The following AGBL4 variants were observed in gnomAD, a reference collection of about 807,000 sequenced individuals.
The protein encoded by AGBL4 is cytosolic carboxypeptidase 6.
In AGBL4, 58 loss-of-function variants were observed where a neutral mutation model predicts 66.4. That is an observed-to-expected ratio of 0.87 (90% CI 0.71 to 1.09). The LOEUF (loss-of-function observed/expected upper bound fraction) is 1.09, where lower values mean the gene tolerates loss of function less well. Ranked by LOEUF, AGBL4 falls within the 50% of genes least tolerant of loss-of-function variation. The pLI is 0.00. For synonymous variants in AGBL4, 234 were observed against 222.9 expected (o/e 1.05, Z -0.44); for missense variants, 579 against 631.0 (o/e 0.92, Z 0.88).
At chr1:49,266,638 TAG>T (rs1215647666) in intron 3 of AGBL4, among the ~76,000 whole-genome samples, 1 of 143,202 alleles carries the variant, frequency 7.0e-6, no homozygotes. Context: ...CACGCGAAGG[TAG>T]AGTCTGTAGC....
intron 4 of AGBL4, among the ~76,000 whole-genome samples, chr1:49,117,434 A>G (rs558640910): frequency 1.6e-3 from 242 of 152,336 alleles, no homozygotes; most frequent in African/African-American, 5.4e-3. Flanking sequence ...AGCTTTCTAC[A>G]TATGGCTAGC....
chr1:48,762,984 C>T (rs373738088), intron 6 of AGBL4, among the ~76,000 whole-genome samples: 4 of 151,966 alleles, frequency 2.6e-5, no homozygotes, highest in South Asian at 2.1e-4. Flanking sequence ...CGCAACCCAC[C>T]GAACAGTGCC....
intron 5 of AGBL4, among the ~76,000 whole-genome samples, chr1:48,915,531 C>T (rs1653513082): frequency 6.6e-6 from 1 of 152,276 alleles, no homozygotes. Context: ...TGTGATATCA[C>T]CAATATGTGG....
intron 6 of AGBL4, among the ~76,000 whole-genome samples, chr1:48,679,516 C>T (rs993375900): frequency 1.2e-4 from 18 of 151,316 alleles, no homozygotes; most frequent in Admixed American, 7.9e-4. Context: ...TCCTCTCCAC[C>T]TCTCCCTCCC....
chr1:49,197,832 CCA>C (rs1325682316), intron 4 of AGBL4, among the ~76,000 whole-genome samples: 1 of 152,154 alleles, frequency 6.6e-6, no homozygotes, highest in Non-Finnish European at 1.5e-5. Context: ...TGGCTAGAGT[CCA>C]CACTATATTC....
chr1:48,702,416 C>A (rs1483620820), intron 6 of AGBL4, among the ~76,000 whole-genome samples: 6 of 152,102 alleles, frequency 3.9e-5, no homozygotes, highest in Non-Finnish European at 7.4e-5. Context: ...CTCAGCCTCC[C>A]AAGTAGCTGG....
chr1:49,564,792 G>T (rs1644149787), intron 3 of AGBL4, among the ~76,000 whole-genome samples: 4 of 152,280 alleles, frequency 2.6e-5, no homozygotes, highest in South Asian at 2.1e-4. Flanking sequence ...TGTTGATTTG[G>T]GGTGGAGAGT....
intron 6 of AGBL4, among the ~76,000 whole-genome samples, chr1:48,669,922 G>A (rs454938): frequency 5.3e-5 from 8 of 151,978 alleles, no homozygotes; most frequent in East Asian, 3.9e-4. Context: ...ATTCCCTCCC[G>A]TAGGCTCAGA....
chr1:49,680,836 A>G (rs1646678687), intron 3 of AGBL4, among the ~76,000 whole-genome samples: 1 of 151,522 alleles, frequency 6.6e-6, no homozygotes. Context: ...TGGAACTTCA[A>G]TAACATGAAT....
At chr1:48,748,638 G>T (rs1172225152) in intron 6 of AGBL4, among the ~76,000 whole-genome samples, 2 of 152,172 alleles carry the variant, frequency 1.3e-5, no homozygotes, top group Non-Finnish European at 2.9e-5. Context: ...TTCTCATAAG[G>T]TGAAGGCAAG....
intron 4 of AGBL4, among the ~76,000 whole-genome samples, chr1:49,225,039 C>G (rs193222284): frequency 6.6e-6 from 1 of 152,234 alleles, no homozygotes; most frequent in East Asian, 1.9e-4. Context: ...GAAAGCAAAG[C>G]AGTCAGATGA....
chr1:48,597,709 A>T (rs1645014876), intron 9 of AGBL4, among the ~76,000 whole-genome samples: 1 of 105,810 alleles, frequency 9.5e-6, no homozygotes, highest in Non-Finnish European at 1.8e-5. Context: ...AGGGGAGGGG[A>T]GGAGAGAGGA....
chr1:49,869,777 C>T (rs908509490), intron 1 of AGBL4, among the ~76,000 whole-genome samples: 1 of 151,786 alleles, frequency 6.6e-6, no homozygotes, highest in Non-Finnish European at 1.5e-5. Flanking sequence ...GTGGATCTTA[C>T]GAAGATAAAG....
chr1:49,866,273 TC>T (rs1185489096), intron 1 of AGBL4, among the ~76,000 whole-genome samples: 1 of 151,926 alleles, frequency 6.6e-6, no homozygotes, highest in Non-Finnish European at 1.5e-5. Flanking sequence ...AGTAAGATAT[TC>T]CATGAGAAGA....
intron 6 of AGBL4, among the ~76,000 whole-genome samples, chr1:48,758,546 ACTTCTTT>A (rs1309235854): frequency 1.3e-5 from 2 of 152,218 alleles, no homozygotes; most frequent in Non-Finnish European, 2.9e-5. Flanking sequence ...GATCATGTCT[ACTTCTTT>A]TTACTATCCT....
intron 4 of AGBL4, among the ~76,000 whole-genome samples, chr1:49,052,222 T>C (rs1337530653): frequency 1.3e-5 from 2 of 152,130 alleles, no homozygotes; most frequent in African/African-American, 4.8e-5. Flanking sequence ...GAGGAATAGC[T>C]GAGACTGATT....
chr1:48,528,344 A>G (rs1418949417), downstream of AGBL4, among the ~76,000 whole-genome samples: 1 of 152,140 alleles, frequency 6.6e-6, no homozygotes, highest in African/African-American at 2.4e-5. Context: ...GAAAAAGAGA[A>G]TATTAACCAA....
intron 5 of AGBL4, among the ~76,000 whole-genome samples, chr1:48,915,068 T>TTA (rs1653473553): frequency 1.3e-5 from 2 of 152,210 alleles, no homozygotes; most frequent in Non-Finnish European, 2.9e-5. Flanking sequence ...TATTTTTCTG[T>TTA]TTTACTTATT....
intron 3 of AGBL4, among the ~76,000 whole-genome samples, chr1:49,681,822 T>C (rs1040238194): frequency 3.3e-5 from 5 of 152,200 alleles, no homozygotes; most frequent in African/African-American, 1.2e-4. Flanking sequence ...TTTGCCATTA[T>C]AAGTACTTTT....
Sources: gnomAD v4.1 joint callset for allele counts (sites outside exome capture counted in the v4.1 genomes callset) on GRCh38, gnomAD v4.1.1 for gene constraint, MANE v1.5 for transcripts, NCBI Gene and HGNC (gene_info 2026-07-23, HGNC 2026-07-21) for gene names.